Variants in MIA2 observed in about 807,000 individuals in gnomAD.
MIA2 encodes melanoma inhibitory activity protein 2.
A neutral mutation model predicts 167.8 loss-of-function variants in MIA2; 127 were observed. The ratio of observed to expected loss-of-function variants is 0.76; its 90% CI spans 0.66 to 0.88. MIA2 has a LOEUF of 0.88. Ranked by LOEUF, MIA2 falls within the 40% of genes least tolerant of loss-of-function variation. The pLI, the probability that MIA2 is intolerant of heterozygous loss-of-function variation, is 0.00. For missense variants in MIA2, 1,690 were observed against 1,624.7 expected (o/e 1.04, Z -0.69); for synonymous variants, 552 against 541.9 (o/e 1.02, Z -0.26).
intron 19 of MIA2, 122 bp from the exon 20 acceptor site, chr14:39,314,617 T>TG: frequency 1.8e-5 from 8 of 439,490 alleles, no homozygotes; most frequent in Non-Finnish European, 2.6e-5. Flanking sequence ...GGAGTTTTTT[T>TG]TTTTTTTTTT....
intron 6 of MIA2, among the ~76,000 whole-genome samples, chr14:39,258,275 G>T (rs1188655778): frequency 6.6e-6 from 1 of 152,104 alleles, no homozygotes; most frequent in East Asian, 1.9e-4. Context: ...TGGAGGTGTT[G>T]TTTGTTCCTT....
In MIA2 at chr14:39,238,811, A is replaced by C. The variant is rs79117514; in HGVS notation, c.250-1750A>C. On this transcript the variant is annotated intron_variant, in intron 2 of 28. Transcript: ENST00000640607. ...CCTGTCTCAAAAAAAAAAAAAAAAA[A>C]CCCAAAAAACAAAAAAACCTAGCTG... is the stretch of plus-strand genomic sequence containing the variant. Among the ~76,000 whole-genome samples the C allele has an allele frequency of 8.6e-3, 892 of 103,620 alleles. 72 individuals carry two copies. Among genetic ancestry groups the C allele is most frequent in the African/African-American group, 0.03 (774 of 25,572 alleles). 68.0% of individuals were successfully genotyped at this position (103,620 alleles called of 152,430 possible).
intron 25 of MIA2, among the ~76,000 whole-genome samples, chr14:39,332,793 T>C (rs537110461): frequency 6.6e-6 from 1 of 152,174 alleles, no homozygotes; most frequent in South Asian, 2.1e-4. Flanking sequence ...GGTACCTCAG[T>C]TGGAAATGAA....
intron 23 of MIA2, among the ~76,000 whole-genome samples, chr14:39,356,533 G>GT (rs896791045): frequency 4.6e-5 from 7 of 152,152 alleles, no homozygotes; most frequent in African/African-American, 1.7e-4. Context: ...TTTTTGAAGG[G>GT]TTTTTTGTGT....
At chr14:39,298,393 C>T (rs2061731064) in intron 13 of MIA2, among the ~76,000 whole-genome samples, 1 of 97,324 alleles carries the variant, frequency 1.0e-5, no homozygotes, top group Non-Finnish European at 2.2e-5. Flanking sequence ...TTGTTTTTAC[C>T]TGTATCATCT....
Position 39,367,677 on chromosome 14 carries a change from T to A in MIA2, c.2248+18700T>A, listed in dbSNP as rs4902549. ...ATTTCCTGTCACTTCTCTATTCCAT[T>A]CCAGTGTTCTCTCTTAGGTGATCTA... is the stretch of plus-strand genomic sequence containing the variant. On this transcript the variant is annotated intron_variant, in intron 23 of 23. Coordinates refer to the MIA2 transcript ENST00000341502. Among the ~76,000 whole-genome samples the A allele has an allele frequency of 2.8e-3, 434 of 152,320 alleles. 8 individuals carry two copies. The highest frequency in any genetic ancestry group is 0.015 in the Admixed American group (222 of 15,294).
Position 39,388,230 on chromosome 14 carries a change from G to A in MIA2, c.*1278G>A, listed in dbSNP as rs1270329246. 1 of 152,210 alleles carries A rather than the reference G, an allele frequency of 6.6e-6. No individual in the cohort carries two copies. Among genetic ancestry groups the A allele is most frequent in the Non-Finnish European group, 1.5e-5 (1 of 68,026 alleles). 9.4% of individuals were successfully genotyped at this position (152,210 alleles called of 1,614,324 possible). ...TGTTGATAAAGTAAGGCATACCCATGTAGAGTATTTATTGACAGCTATCCA... is the reference window on the plus strand; with the variant it reads ...TGTTGATAAAGTAAGGCATACCCATATAGAGTATTTATTGACAGCTATCCA... On this transcript the variant is annotated 3_prime_UTR_variant, in exon 24 of 24. Coordinates refer to the MIA2 transcript ENST00000341502. This position sits in a 1 kb window ranked among gnomAD's most constrained non-coding sequence, Gnocchi z 4.1.
chr14:39,353,835 A>C (rs2074455210), downstream of MIA2, among the ~76,000 whole-genome samples: 1 of 152,054 alleles, frequency 6.6e-6, no homozygotes, highest in Admixed American at 6.6e-5. Context: ...TGTCCTTGCG[A>C]TAGTTTGCTG....
chr14:39,268,536 ATTAC>A (rs1329772589), intron 6 of MIA2, among the ~76,000 whole-genome samples: 1 of 152,162 alleles, frequency 6.6e-6, no homozygotes, highest in Non-Finnish European at 1.5e-5. Context: ...TAGGAGCTGT[ATTAC>A]TTAGAGTGTA....
intron 24 of MIA2, among the ~76,000 whole-genome samples, chr14:39,324,474 G>C (rs1415812472): frequency 6.6e-6 from 1 of 152,136 alleles, no homozygotes; most frequent in Admixed American, 6.5e-5. Flanking sequence ...TGGAAAATTT[G>C]TTTTAAAGAT....
At chr14:39,269,523 C>CT (rs34205921) in intron 6 of MIA2, among the ~76,000 whole-genome samples, 7,885 of 144,640 alleles carry the variant, frequency 0.055, 251 homozygotes, top group Middle Eastern at 0.074. Flanking sequence ...TTTTTTCTTT[C>CT]TTTTTTTTTT....
Position 39,285,545 on chromosome 14 carries a change from G to A in MIA2, c.2131-5474G>A, listed in dbSNP as rs537100787. On this transcript the variant is annotated intron_variant, in intron 9 of 28. Transcript: ENST00000640607. ...CTGACCCCCCACCTCCCTCCCGGAC[G>A]GGATGGCTGGCCGGGCGGGGGCTGA... Among the ~76,000 whole-genome samples the A allele has an allele frequency of 8.3e-4, 120 of 144,816 alleles. 1 individual carries two copies. The highest frequency in any genetic ancestry group is 1.4e-3 in the Non-Finnish European group (92 of 64,892).
chr14:39,248,237 G>T, intron 4 of MIA2, 96 bp downstream of exon 4: 1 of 983,164 alleles, frequency 1.0e-6, no homozygotes, highest in Non-Finnish European at 1.3e-6. Flanking sequence ...AGGAATCCAC[G>T]TTTTTCAGAA....
At chr14:39,274,423 CT>C (rs537208744) in intron 6 of MIA2, among the ~76,000 whole-genome samples, 46 of 147,304 alleles carry the variant, frequency 3.1e-4, no homozygotes, top group Admixed American at 1.4e-4. Context: ...TTCTTTTTTT[CT>C]TTTTTTCTTT....
chr14:39,235,440 A>G (rs1479554153), intron 1 of MIA2, among the ~76,000 whole-genome samples: 2 of 152,218 alleles, frequency 1.3e-5, no homozygotes, highest in Non-Finnish European at 2.9e-5. Context: ...CTTTTTGGAC[A>G]TATAATGTAA....
At chr14:39,277,925 G>T (rs1210100709) in intron 7 of MIA2, among the ~76,000 whole-genome samples, 1 of 150,716 alleles carries the variant, frequency 6.6e-6, no homozygotes, top group Non-Finnish European at 1.5e-5. Context: ...TGAGTAGTTG[G>T]GACTACACAG....
intron 24 of MIA2, among the ~76,000 whole-genome samples, chr14:39,326,443 C>T (rs1054508945): frequency 1.3e-5 from 2 of 152,026 alleles, no homozygotes; most frequent in Middle Eastern, 3.2e-3. Context: ...TTAAGTTAAA[C>T]TGAGTACATT....
chr14:39,321,075 T>G lies in MIA2; in HGVS notation c.3496+19T>G, dbSNP rs371789542. The stretch of plus-strand genomic sequence containing the variant: ...GGAAGAGGTATATTGTTTAAACATC[T>G]TTATTACTCTAGATTTCTTCCTTAC... On this transcript the variant is annotated intron_variant, in intron 24 of 28. Coordinates refer to ENST00000640607, the MANE Select transcript of MIA2 (RefSeq NM_001329214.4). 126 of 1,596,846 alleles carry G rather than the reference T, an allele frequency of 7.9e-5. 1 individual carries two copies. Among genetic ancestry groups the G allele is most frequent in the South Asian group, 1.8e-4 (16 of 87,812 alleles).
chr14:39,249,254 C>T (rs1423042683), intron 4 of MIA2, among the ~76,000 whole-genome samples: 1 of 152,162 alleles, frequency 6.6e-6, no homozygotes, highest in Non-Finnish European at 1.5e-5. Context: ...TATCCCTCGA[C>T]CTCAGCCTCC....
Sources: gnomAD v4.1 joint callset for allele counts (sites outside exome capture counted in the v4.1 genomes callset) on GRCh38, gnomAD v4.1.1 for gene constraint, Gnocchi (gnomAD v3.1) non-coding constraint, MANE v1.5 for transcripts, NCBI Gene and HGNC (gene_info 2026-07-23, HGNC 2026-07-21) for gene names.